The following TMEM132D variants were observed in gnomAD, a reference collection of about 807,000 sequenced individuals.
TMEM132D encodes the protein transmembrane protein 132D.
TMEM132D carries 21 observed loss-of-function variants against 62.3 expected under a neutral mutation model. The observed-to-expected ratio is 0.34, with a 90% CI of 0.24 to 0.49. The LOEUF (loss-of-function observed/expected upper bound fraction) is 0.49. Ranked by LOEUF, TMEM132D falls within the 20% of genes least tolerant of loss-of-function variation. TMEM132D has a pLI of 0.99. For missense variants in TMEM132D, 1,346 were observed against 1,402.8 expected (o/e 0.96, Z 0.65); for synonymous variants, 621 against 575.6 (o/e 1.08, Z -1.13).
intron 3 of TMEM132D, among the ~76,000 whole-genome samples, chr12:129,469,713 T>G (rs1207695704): frequency 6.6e-6 from 1 of 152,116 alleles, no homozygotes; most frequent in African/African-American, 2.4e-5. Flanking sequence ...AAAAAGGAGA[T>G]TTTAGAAAAC....
rs536883897 is a variant in TMEM132D, at chr12:129,723,109, C to T, written c.80-22411G>A. Among the ~76,000 whole-genome samples, 43 of 152,276 alleles carry T rather than the reference C, an allele frequency of 2.8e-4. 1 individual carries two copies. Among genetic ancestry groups the T allele is most frequent in the African/African-American group, 7.2e-4 (30 of 41,560 alleles). On this transcript the variant is annotated intron_variant, in intron 1 of 8. Coordinates refer to ENST00000422113, the MANE Select transcript of TMEM132D (RefSeq NM_133448.3). Reference sequence around the variant, plus strand: ...GATGAATTTAAGTGGTCTCTGGAAACGGCTTAACATGGACTGATAGGAAAT... The same window carrying T: ...GATGAATTTAAGTGGTCTCTGGAAATGGCTTAACATGGACTGATAGGAAAT...
chr12:129,656,049 T>C (rs149126320), intron 2 of TMEM132D, among the ~76,000 whole-genome samples: 47 of 152,258 alleles, frequency 3.1e-4, no homozygotes, highest in African/African-American at 9.4e-4. Flanking sequence ...TCTTAAGCAA[T>C]AGATTTCCCA....
At chr12:129,496,317 T>C (rs1392575462) in intron 3 of TMEM132D, among the ~76,000 whole-genome samples, 2 of 152,116 alleles carry the variant, frequency 1.3e-5, no homozygotes, top group African/African-American at 2.4e-5. Context: ...TAGTGGGGAA[T>C]CTTTAAAAGC....
chr12:129,799,217 A>G (rs1871664752), intron 1 of TMEM132D, among the ~76,000 whole-genome samples: 1 of 152,110 alleles, frequency 6.6e-6, no homozygotes, highest in Non-Finnish European at 1.5e-5. Context: ...GTGAGCTGAG[A>G]TCGCGCCACT....
At chr12:129,423,900 A>G (rs578228977) in intron 3 of TMEM132D, among the ~76,000 whole-genome samples, 1 of 152,318 alleles carries the variant, frequency 6.6e-6, no homozygotes, top group Admixed American at 6.5e-5. Context: ...GAAATTATAA[A>G]TCTTAAATTC....
At chr12:129,633,525 C>T (rs1185628947) in intron 2 of TMEM132D, among the ~76,000 whole-genome samples, 2 of 152,156 alleles carry the variant, frequency 1.3e-5, no homozygotes, top group African/African-American at 2.4e-5. Flanking sequence ...TTTGTATTTC[C>T]TCATGTGCAT....
chr12:129,448,270 A>G (rs183434150), intron 3 of TMEM132D, among the ~76,000 whole-genome samples: 164 of 152,270 alleles, frequency 1.1e-3, no homozygotes, highest in African/African-American at 3.8e-3. Flanking sequence ...GGTTCGTTAC[A>G]CAGGTAAACT....
At chr12:129,627,956 C>CGG (rs1320305014) in intron 2 of TMEM132D, among the ~76,000 whole-genome samples, 1 of 152,216 alleles carries the variant, frequency 6.6e-6, no homozygotes, top group Non-Finnish European at 1.5e-5. Context: ...CACTGTACTC[C>CGG]AGCCTGCGTG....
intron 2 of TMEM132D, among the ~76,000 whole-genome samples, chr12:129,555,783 G>T (rs1877038159): frequency 1.3e-5 from 2 of 152,072 alleles, no homozygotes; most frequent in Non-Finnish European, 2.9e-5. Context: ...ATATTAGTTG[G>T]TGCAAAAGTA....
chr12:129,431,557 C>T (rs751695579), intron 3 of TMEM132D, among the ~76,000 whole-genome samples: 3 of 152,174 alleles, frequency 2.0e-5, no homozygotes, highest in East Asian at 1.9e-4. Context: ...ATCACACCAG[C>T]GTTATCACTC....
chr12:129,773,228 T>C (rs890426245), intron 1 of TMEM132D, among the ~76,000 whole-genome samples: 1 of 152,224 alleles, frequency 6.6e-6, no homozygotes, highest in Admixed American at 6.5e-5. Context: ...GTGCGCCTCC[T>C]GTATGCTATG....
chr12:129,409,223 G>A (rs1405036866), intron 3 of TMEM132D, among the ~76,000 whole-genome samples: 3 of 152,044 alleles, frequency 2.0e-5, no homozygotes, highest in South Asian at 2.1e-4. Flanking sequence ...ATGAGCCACC[G>A]CACCCGGCCA....
rs1338553804 is a variant in TMEM132D, at chr12:129,498,989, A to C, written c.1115+32070T>G. On this transcript the variant is annotated intron_variant, in intron 3 of 8. Transcript: ENST00000422113. ...CCTTCTGTTACTCTACCTTGGAATA[A>C]TATGCCTGCCAAATAGGGTAACGTG... Among the ~76,000 whole-genome samples, 45 of 152,182 alleles carry C rather than the reference A, an allele frequency of 3.0e-4. 1 individual carries two copies. Among genetic ancestry groups the C allele is most frequent in the Admixed American group, 2.9e-3 (44 of 15,282 alleles).
chr12:129,568,150 G>T (rs984033931), intron 2 of TMEM132D, among the ~76,000 whole-genome samples: 1 of 152,352 alleles, frequency 6.6e-6, no homozygotes, highest in South Asian at 2.1e-4. Flanking sequence ...GCAGCTTCCT[G>T]CAAAGGCAGA....
At chr12:129,543,404 G>GGATGGATGGATA (rs141016013) in intron 2 of TMEM132D, among the ~76,000 whole-genome samples, 1 of 138,850 alleles carries the variant, frequency 7.2e-6, no homozygotes, top group Admixed American at 7.3e-5. Flanking sequence ...ATGGATGGAT[G>GGATGGATGGATA]GATAGACAGA....
chr12:129,743,106 T>A (rs1869657931), intron 1 of TMEM132D, among the ~76,000 whole-genome samples: 2 of 152,236 alleles, frequency 1.3e-5, no homozygotes, highest in African/African-American at 4.8e-5. Context: ...CAACCTCCTC[T>A]GCCCTCCTGG....
intron 3 of TMEM132D, among the ~76,000 whole-genome samples, chr12:129,515,848 C>G (rs1226894768): frequency 6.6e-6 from 1 of 152,164 alleles, no homozygotes; most frequent in East Asian, 1.9e-4. Context: ...TTCCCTGGGT[C>G]TTTGGATTTT....
At chr12:129,252,452 C>A (rs1880293681) in intron 4 of TMEM132D, among the ~76,000 whole-genome samples, 1 of 152,154 alleles carries the variant, frequency 6.6e-6, no homozygotes, top group Non-Finnish European at 1.5e-5. Context: ...ATCCAGATCA[C>A]TAGCTGGTGG....
chr12:129,470,021 C>T (rs1323326326), intron 3 of TMEM132D, among the ~76,000 whole-genome samples: 1 of 152,096 alleles, frequency 6.6e-6, no homozygotes, highest in African/African-American at 2.4e-5. Context: ...AATATGGCTG[C>T]CCGGCCTGTG....
Sources: allele counts gnomAD v4.1 joint callset (sites outside exome capture counted in the v4.1 genomes callset), GRCh38; gene constraint gnomAD v4.1.1; transcripts MANE v1.5; gene names NCBI Gene and HGNC (gene_info 2026-07-23, HGNC 2026-07-21).